ABLIM2: variants seen among roughly 807,000 people sequenced by gnomAD.
ABLIM2 encodes actin-binding LIM protein 2.
In ABLIM2, 53 loss-of-function variants were observed where a neutral mutation model predicts 97.7. The observed-to-expected ratio is 0.54, with a 90% CI of 0.44 to 0.68. The LOEUF is 0.68. Among genes scored for constraint, ABLIM2 ranks in the 30% least tolerant of loss-of-function variants. ABLIM2 has a pLI of 0.00. For synonymous variants in ABLIM2, 361 were observed against 345.8 expected (o/e 1.04, Z -0.49); for missense variants, 835 against 867.2 (o/e 0.96, Z 0.47).
In ABLIM2 at chr4:8,061,024, C is replaced by T. The variant is rs765087851; in HGVS notation, c.706G>A (p.Ala236Thr). Residue 236 changes from alanine (A) to threonine (T), a missense_variant, in exon 7 of 21, where the codon GCG (alanine) becomes ACG (threonine). Coordinates refer to ENST00000447017, the MANE Select transcript of ABLIM2 (RefSeq NM_001130083.2). This position sits in a 1 kb window ranked among gnomAD's most constrained non-coding sequence, Gnocchi z 4.5. Reference sequence around the variant, plus strand: ...ATCTGGCCGCACCTGACACATAGCGCGCAGGAAGGGTGGTAGTGCTTCTCT... The same window carrying T: ...ATCTGGCCGCACCTGACACATAGCGTGCAGGAAGGGTGGTAGTGCTTCTCT... ...AGEKHYHPSC[A>T]LCVRCGQMFA... 21 of 1,598,236 alleles carry T rather than the reference C, an allele frequency of 1.3e-5. No individual in the cohort carries two copies. Among genetic ancestry groups the T allele is most frequent in the African/African-American group, 5.4e-5 (4 of 74,672 alleles).
intron 2 of ABLIM2, among the ~76,000 whole-genome samples, chr4:8,103,528 G>C (rs1264226432): frequency 6.6e-6 from 1 of 152,266 alleles, no homozygotes; most frequent in African/African-American, 2.4e-5. Flanking sequence ...AACTGGCTGT[G>C]GGTGGGTATG....
At position 8,082,517 on chromosome 4, in the gene ABLIM2, G is replaced by A. The variant is rs1820591451; in HGVS notation, c.455-1715C>T. ...CTGCGTGGCTTCATTAGTTTCTTTT[G>A]GCAGAGACCTGAGTCATATTGTTTT... On this transcript the variant is annotated intron_variant, in intron 4 of 20. Coordinates refer to ENST00000447017, the MANE Select transcript of ABLIM2 (RefSeq NM_001130083.2). This position sits in a 1 kb window ranked among gnomAD's most constrained non-coding sequence, Gnocchi z 5.6. 6.6e-6 allele frequency among the ~76,000 whole-genome samples: 1 copy of A among 152,178 alleles called. No homozygotes were observed. The highest frequency in any genetic ancestry group is 2.1e-4 in the South Asian group (1 of 4,830).
At chr4:7,997,211 A>G (rs1255911996) in intron 16 of ABLIM2, among the ~76,000 whole-genome samples, 1 of 152,118 alleles carries the variant, frequency 6.6e-6, no homozygotes, top group Non-Finnish European at 1.5e-5. Context: ...AACTGAGACT[A>G]TGGGTGCACG....
intron 3 of ABLIM2, 125 bp downstream of exon 3, chr4:8,096,974 G>A: frequency 1.6e-6 from 2 of 1,223,312 alleles, no homozygotes; most frequent in Non-Finnish European, 2.2e-6. Flanking sequence ...GCCTGGAACA[G>A]CCTCGCTGCA....
At chr4:7,979,207 C>T (rs751725566) in intron 20 of ABLIM2, among the ~76,000 whole-genome samples, 5 of 152,162 alleles carry the variant, frequency 3.3e-5, no homozygotes, top group Non-Finnish European at 5.9e-5. Context: ...GCTGCCAGCT[C>T]CCCCCGGCAA....
rs1722894350 is a variant in ABLIM2, at chr4:7,966,191, A to C, written c.*799T>G. 6.6e-6 allele frequency: 1 copy of C among 152,630 alleles called. No homozygotes were observed. The highest frequency in any genetic ancestry group is 2.4e-5 in the African/African-American group (1 of 41,468). 9.5% of individuals were successfully genotyped at this position (152,630 alleles called of 1,614,324 possible). A position where few individuals can be genotyped will look rare whatever the true frequency, so the allele number is the denominator to read the frequency against. ...TGAGGACCACACCAAGAACAGACTG[A>C]AACCACACAGATCCGAGCGGTGGAG... On this transcript the variant is annotated 3_prime_UTR_variant, in exon 21 of 21. Transcript: ENST00000447017.
At chr4:7,997,967 C>T (rs974976294) in intron 16 of ABLIM2, among the ~76,000 whole-genome samples, 3 of 151,918 alleles carry the variant, frequency 2.0e-5, no homozygotes, top group Admixed American at 6.6e-5. Context: ...CCACAACCTC[C>T]GCCTCCCGGG....
intron 11 of ABLIM2, 95 bp downstream of exon 11, chr4:8,029,561 G>A: frequency 7.9e-7 from 1 of 1,269,684 alleles, no homozygotes; most frequent in Non-Finnish European, 1.0e-6. Context: ...TAAGAAAAAT[G>A]CCACTTATAA....
intron 12 of ABLIM2, among the ~76,000 whole-genome samples, chr4:8,024,936 CTTTT>C (rs908978332): frequency 2.0e-5 from 3 of 152,078 alleles, no homozygotes; most frequent in South Asian, 2.1e-4. Flanking sequence ...TCTTTTTTCT[CTTTT>C]TTTGAGATGT....
At chr4:7,977,777 G>T in intron 20 of ABLIM2, among the ~76,000 whole-genome samples, 1 of 100,874 alleles carries the variant, frequency 9.9e-6, no homozygotes, top group Non-Finnish European at 2.0e-5. Context: ...GGAGACTGAG[G>T]GAGACTCTGT....
chr4:7,993,077 G>C, intron 16 of ABLIM2, 150 bp from the exon 17 acceptor site: 1 of 786,112 alleles, frequency 1.3e-6, no homozygotes, highest in East Asian at 2.7e-5. Flanking sequence ...CCTCAGTGGT[G>C]ACCTTCTGTT....
At position 8,095,994 on chromosome 4, in the gene ABLIM2, C is replaced by T. The variant is rs1831366308; in HGVS notation, c.338+1105G>A. 6.6e-6 allele frequency among the ~76,000 whole-genome samples: 1 copy of T among 152,146 alleles called. No individual in the cohort carries two copies. Among genetic ancestry groups the T allele is most frequent in the African/African-American group, 2.4e-5 (1 of 41,426 alleles). ...TTCGGCGCTCTTGCTCTGTGGTGCC[C>T]CTGCCCCTCTGGTATTCTGCCCAAC... On this transcript the variant is annotated intron_variant, in intron 3 of 20. Transcript: ENST00000447017. The surrounding 1 kb of genome is among the most constrained non-coding windows in gnomAD (Gnocchi z 4.7).
intron 20 of ABLIM2, among the ~76,000 whole-genome samples, chr4:7,980,367 TGAAA>T (rs1182829575): frequency 6.6e-6 from 1 of 152,168 alleles, no homozygotes; most frequent in Non-Finnish European, 1.5e-5. Flanking sequence ...GAGCAGGCCC[TGAAA>T]GAAATACAAA....
chr4:8,122,925 C>T lies in ABLIM2; in HGVS notation c.11-16288G>A, dbSNP rs1345994223. Reference sequence around the variant, plus strand: ...GAGAGGGAGAGGGGTGAGGGGCGAACCAGCCCTAGGGGTGGCAAATCTGTC... The same window carrying T: ...GAGAGGGAGAGGGGTGAGGGGCGAATCAGCCCTAGGGGTGGCAAATCTGTC... On this transcript the variant is annotated intron_variant, in intron 1 of 20. Transcript: ENST00000447017. This position sits in a 1 kb window ranked among gnomAD's most constrained non-coding sequence, Gnocchi z 4.1. Among the ~76,000 whole-genome samples the T allele has an allele frequency of 6.6e-6, 1 of 152,092 alleles. No individual in the cohort carries two copies. The highest frequency in any genetic ancestry group is 1.5e-5 in the Non-Finnish European group (1 of 68,012).
chr4:8,016,368 G>A (rs913151544), intron 14 of ABLIM2, among the ~76,000 whole-genome samples: 23 of 152,046 alleles, frequency 1.5e-4, no homozygotes, highest in Admixed American at 1.2e-3. Context: ...TTTAAACTGC[G>A]CACAGCTTCC....
At chr4:8,136,041 A>G (rs1191806461) in intron 1 of ABLIM2, among the ~76,000 whole-genome samples, 1 of 152,246 alleles carries the variant, frequency 6.6e-6, no homozygotes, top group Non-Finnish European at 1.5e-5. Context: ...CCAGCCAAGC[A>G]TTGGAGACGA....
At chr4:8,020,412 G>A in intron 12 of ABLIM2, 109 bp from the exon 13 acceptor site, 2 of 988,204 alleles carry the variant, frequency 2.0e-6, no homozygotes, top group South Asian at 2.7e-5. Context: ...TCTCCTGTCT[G>A]GTGGAGCAGC....
intron 20 of ABLIM2, among the ~76,000 whole-genome samples, chr4:7,981,952 G>C (rs1282201168): frequency 6.6e-6 from 1 of 152,168 alleles, no homozygotes; most frequent in Non-Finnish European, 1.5e-5. Context: ...CTTTGCTCAG[G>C]GGCTTCCCCG....
Position 8,112,294 on chromosome 4 carries a change from G to A in ABLIM2, c.11-5657C>T, listed in dbSNP as rs776181835. Among the ~76,000 whole-genome samples the A allele has an allele frequency of 3.3e-5, 5 of 152,220 alleles. No individual in the cohort carries two copies. The highest frequency in any genetic ancestry group is 7.2e-5 in the African/African-American group (3 of 41,450). On this transcript the variant is annotated intron_variant, in intron 1 of 20. Coordinates refer to ENST00000447017, the MANE Select transcript of ABLIM2 (RefSeq NM_001130083.2). The surrounding 1 kb of genome is among the most constrained non-coding windows in gnomAD (Gnocchi z 4.2). ...GCCAGAATGGGAGCCAGCAGGGTCCGGTTTGGACCCACCATCCAGGGGCAG... is the reference window on the plus strand; with the variant it reads ...GCCAGAATGGGAGCCAGCAGGGTCCAGTTTGGACCCACCATCCAGGGGCAG...
Sources: allele counts gnomAD v4.1 joint callset (sites outside exome capture counted in the v4.1 genomes callset), GRCh38; gene constraint gnomAD v4.1.1; non-coding constraint Gnocchi (gnomAD v3.1); transcripts MANE v1.5; gene names NCBI Gene and HGNC (gene_info 2026-07-23, HGNC 2026-07-21).